CHST15: variants seen among roughly 807,000 people sequenced by gnomAD.
CHST15 encodes carbohydrate sulfotransferase 15.
In CHST15, 30 loss-of-function variants were observed where a neutral mutation model predicts 53.6. That is an observed-to-expected ratio of 0.56 (90% CI 0.42 to 0.76). CHST15 has a LOEUF of 0.76. CHST15 is among the 30% of genes least tolerant of loss of function. The pLI, the probability that CHST15 is intolerant of heterozygous loss-of-function variation, is 0.00. For missense variants in CHST15, 627 were observed against 740.5 expected, an observed-to-expected ratio of 0.85 and a Z score of 1.78; for synonymous variants, 296 against 289.8, an observed-to-expected ratio of 1.02 and a Z score of -0.22.
intron 1 of CHST15, among the ~76,000 whole-genome samples, chr10:124,073,412 TGA>T (rs1948981185): frequency 6.6e-6 from 1 of 152,158 alleles, no homozygotes; most frequent in Non-Finnish European, 1.5e-5. Flanking sequence ...GCATGGGTGC[TGA>T]GAGGTGGTTA....
In CHST15 at chr10:124,042,457, C is replaced by A. The variant is rs375282180; in HGVS notation, c.887-10G>T. ...CTTAGGCGGACGATTCCTATGAGAA[C>A]CAAGAAGCAGGAGATACTGAGGACA... On this transcript the variant is annotated splice_polypyrimidine_tract_variant and intron_variant, in intron 3 of 7. Coordinates refer to ENST00000435907, the MANE Select transcript of CHST15 (RefSeq NM_001270764.2). 138 of 1,613,036 alleles carry A rather than the reference C, an allele frequency of 8.6e-5. 2 individuals carry two copies. Among genetic ancestry groups the A allele is most frequent in the East Asian group, 7.8e-4 (35 of 44,870 alleles).
At chr10:124,055,720 T>C (rs1183759581) in intron 1 of CHST15, among the ~76,000 whole-genome samples, 1 of 152,142 alleles carries the variant, frequency 6.6e-6, no homozygotes, top group Non-Finnish European at 1.5e-5. Flanking sequence ...CCCCTCCAAA[T>C]GACCATGCTC....
chr10:124,049,385 A>G (rs775830184), intron 1 of CHST15, among the ~76,000 whole-genome samples: 24 of 152,218 alleles, frequency 1.6e-4, no homozygotes, highest in Non-Finnish European at 2.6e-4. Context: ...ATGCGGTGAC[A>G]CTTTGCGGGC....
At chr10:124,082,621 G>A (rs549390528) in intron 1 of CHST15, among the ~76,000 whole-genome samples, 3 of 152,308 alleles carry the variant, frequency 2.0e-5, no homozygotes, top group South Asian at 4.1e-4. Context: ...GTACACAAAC[G>A]TTTATGGCCG....
Position 124,055,918 on chromosome 10 carries a change from G to A in CHST15, c.-512-9194C>T, listed in dbSNP as rs115382855. 9.7e-3 allele frequency among the ~76,000 whole-genome samples: 1,478 copies of A among 152,286 alleles called. 22 individuals are homozygous for A. The highest frequency in any genetic ancestry group is 0.033 in the African/African-American group (1,381 of 41,548). On this transcript the variant is annotated intron_variant, in intron 1 of 7. Transcript: ENST00000435907. Reference sequence around the variant, plus strand: ...GAAACACCCGGAACCCCTCAACAATGATGGTGGGTACACTCAGACCCAGGG... The same window carrying A: ...GAAACACCCGGAACCCCTCAACAATAATGGTGGGTACACTCAGACCCAGGG...
At chr10:124,047,244 T>A (rs1948035444) in intron 1 of CHST15, among the ~76,000 whole-genome samples, 1 of 152,190 alleles carries the variant, frequency 6.6e-6, no homozygotes, top group African/African-American at 2.4e-5. Flanking sequence ...TTTCTTAGAG[T>A]TAACCTTTAT....
At chr10:124,041,104 C>T (rs188703515) in intron 4 of CHST15, among the ~76,000 whole-genome samples, 201 of 152,228 alleles carry the variant, frequency 1.3e-3, no homozygotes, top group African/African-American at 4.7e-3. Flanking sequence ...AGGTGACTCC[C>T]AGTGACTTAA....
At chr10:124,052,826 G>T (rs977854956) in intron 1 of CHST15, among the ~76,000 whole-genome samples, 1 of 152,248 alleles carries the variant, frequency 6.6e-6, no homozygotes, top group East Asian at 1.9e-4. Flanking sequence ...ACAAGGTCAG[G>T]AGTTCGACAC....
At chr10:124,038,701 G>A (rs1947618144) in intron 4 of CHST15, 30 bp from the exon 5 acceptor site, 2 of 1,609,720 alleles carry the variant, frequency 1.2e-6, no homozygotes, top group South Asian at 2.2e-5. Context: ...CAAGTGAGCA[G>A]GGGTGTGATT....
At chr10:124,047,488 T>C (rs889937449) in intron 1 of CHST15, among the ~76,000 whole-genome samples, 1 of 152,232 alleles carries the variant, frequency 6.6e-6, no homozygotes, top group African/African-American at 2.4e-5. Context: ...ATCCTGTGGT[T>C]ATAAAATATA....
chr10:124,060,814 G>A lies in CHST15; in HGVS notation c.-512-14090C>T, dbSNP rs77185241. On this transcript the variant is annotated intron_variant, in intron 1 of 7. Transcript: ENST00000435907. ...TGCAGAGATCCAGCTTGCCTTGCTGGCTGCAAGCTGTCGGGGCCAGCCTGG... is the reference window on the plus strand; with the variant it reads ...TGCAGAGATCCAGCTTGCCTTGCTGACTGCAAGCTGTCGGGGCCAGCCTGG... 3.8e-3 allele frequency among the ~76,000 whole-genome samples: 577 copies of A among 152,316 alleles called. 2 individuals carry two copies. The highest frequency in any genetic ancestry group is 0.013 in the African/African-American group (561 of 41,562).
At chr10:124,043,613 C>T (rs984979822) in intron 3 of CHST15, among the ~76,000 whole-genome samples, 4 of 152,184 alleles carry the variant, frequency 2.6e-5, no homozygotes, top group Admixed American at 6.5e-5. Context: ...CCTCTCCTGG[C>T]ACAAGGAAAA....
At chr10:124,065,846 T>G (rs1948736525) in intron 1 of CHST15, among the ~76,000 whole-genome samples, 2 of 152,210 alleles carry the variant, frequency 1.3e-5, no homozygotes, top group East Asian at 3.9e-4. Flanking sequence ...GGCAAATTTC[T>G]GCACCCAGAA....
In CHST15 at chr10:124,008,829, C is replaced by G; in HGVS notation, c.*1320G>C. The G allele has an allele frequency of 1.6e-6, 2 of 1,233,194 alleles. No homozygotes were observed. The highest frequency in any genetic ancestry group is 2.1e-6 in the Non-Finnish European group (2 of 954,718). The allele number at this position is 1,233,194 out of a possible 1,614,324, so 76.4% of individuals were successfully genotyped here. On this transcript the variant is annotated 3_prime_UTR_variant, in exon 8 of 8. Coordinates refer to ENST00000435907, the MANE Select transcript of CHST15 (RefSeq NM_001270764.2). ...CATCCAGGTCCCACCTGGGCTGTTG[C>G]CAAGGATGCTCAAGCGTTCTCTTCA...
chr10:124,028,448 C>G (rs1436268505), intron 5 of CHST15, among the ~76,000 whole-genome samples: 2 of 152,176 alleles, frequency 1.3e-5, no homozygotes, highest in East Asian at 3.8e-4. Flanking sequence ...TTGTTCATAT[C>G]GTTTTTATAT....
chr10:124,081,179 T>C (rs772295052), intron 1 of CHST15, among the ~76,000 whole-genome samples: 1 of 152,198 alleles, frequency 6.6e-6, no homozygotes, highest in Non-Finnish European at 1.5e-5. Context: ...TCATCACAGA[T>C]TGAGGACAAA....
chr10:124,008,782 A>G lies in CHST15; in HGVS notation c.*1367T>C, dbSNP rs560626185. 6.8e-6 allele frequency: 8 copies of G among 1,171,144 alleles called. No individual in the cohort carries two copies. In the African/African-American group the frequency reaches 9.6e-5, roughly 14 times the overall value. The allele number at this position is 1,171,144 out of a possible 1,614,324, so 72.5% of individuals were successfully genotyped here. A position where few individuals can be genotyped will look rare whatever the true frequency, so the allele number is the denominator to read the frequency against. ...TTTGGTTCACAGGAAGCTTCCCTTG[A>G]CAATACTTGAGTGCAAAGCTTCATC... On this transcript the variant is annotated 3_prime_UTR_variant, in exon 8 of 8. Coordinates refer to ENST00000435907, the MANE Select transcript of CHST15 (RefSeq NM_001270764.2).
chr10:124,077,847 G>C (rs1949125841), intron 1 of CHST15, among the ~76,000 whole-genome samples: 2 of 152,342 alleles, frequency 1.3e-5, no homozygotes, highest in South Asian at 2.1e-4. Flanking sequence ...AGCACAGAGG[G>C]AGGCAGGCAC....
chr10:124,049,176 T>C (rs1432284341), intron 1 of CHST15, among the ~76,000 whole-genome samples: 1 of 152,200 alleles, frequency 6.6e-6, no homozygotes, highest in African/African-American at 2.4e-5. Flanking sequence ...GTGTTGCGCA[T>C]GTCCAGGTAG....
Sources: allele counts gnomAD v4.1 joint callset (sites outside exome capture counted in the v4.1 genomes callset), GRCh38; gene constraint gnomAD v4.1.1; transcripts MANE v1.5; gene names NCBI Gene and HGNC (gene_info 2026-07-23, HGNC 2026-07-21).